Variants in PRR5 observed in about 807,000 individuals in gnomAD.
The protein encoded by PRR5 is proline rich 5.
PRR5 carries 25 observed loss-of-function variants against 30.6 expected under a neutral mutation model. The observed-to-expected ratio is 0.82, with a 90% CI of 0.60 to 1.14. The LOEUF is 1.14. Ranked by LOEUF, PRR5 falls within the 50% of genes most tolerant of loss-of-function variation. The pLI is 0.00. For synonymous variants in PRR5, 286 were observed against 247.1 expected (o/e 1.16, Z -1.48); for missense variants, 600 against 547.1 (o/e 1.10, Z -0.96).
chr22:44,729,204 G>A (rs112431121), intron 4 of PRR5: 14 of 769,066 alleles, frequency 1.8e-5, no homozygotes, highest in African/African-American at 1.3e-4. Flanking sequence ...CCGTCCCCGC[G>A]CCAGACACCC....
chr22:44,669,195 T>A (rs922417227), intron 1 of PRR5, among the ~76,000 whole-genome samples: 7 of 146,068 alleles, frequency 4.8e-5, no homozygotes, highest in Admixed American at 4.8e-4. Context: ...CGTGTCCCCA[T>A]CTCCTTCCCC....
rs557720741 is a variant in PRR5 at position 44,723,111 on chromosome 22, G to A, written c.216-2133G>A. On this transcript the variant is annotated intron_variant, in intron 2 of 7. Coordinates refer to ENST00000336985, the MANE Select transcript of PRR5 (RefSeq NM_181333.4). ...AGCAATTCTTCTGTCTCAGACTCCC[G>A]AGGAGCTGAGATTATAGGTGCCCAC... Among the ~76,000 whole-genome samples, 13 of 151,694 alleles carry A rather than the reference G, an allele frequency of 8.6e-5. No individual in the cohort carries two copies. The South Asian group carries it at 2.3e-3, about 27-fold the overall frequency.
chr22:44,684,965 G>C (rs578064813), intron 1 of PRR5, among the ~76,000 whole-genome samples: 1 of 152,312 alleles, frequency 6.6e-6, no homozygotes, highest in Admixed American at 6.5e-5. Flanking sequence ...CTCAGGGCCC[G>C]GCACGAAGTA....
At chr22:44,730,423 G>T (rs938998099) in intron 4 of PRR5, 3 of 985,348 alleles carry the variant, frequency 3.0e-6, no homozygotes, top group Non-Finnish European at 3.6e-6. Flanking sequence ...TCCCAGCTCC[G>T]CTCAGTCCAG....
At chr22:44,676,390 C>CAAAA (rs59016907), upstream of PRR5, among the ~76,000 whole-genome samples, 344 of 34,980 alleles carry the variant, frequency 9.8e-3, 1 homozygote, top group East Asian at 0.024. Context: ...GACCCTGTCT[C>CAAAA]AAAAAAAAAA....
chr22:44,732,887 CCACA>C (rs763197595), intron 6 of PRR5, among the ~76,000 whole-genome samples: 2 of 150,344 alleles, frequency 1.3e-5, no homozygotes, highest in African/African-American at 4.9e-5. Context: ...CACACACACA[CCACA>C]CACGTGCACA....
chr22:44,704,309 G>A (rs545226814), intron 1 of PRR5, among the ~76,000 whole-genome samples: 21 of 152,184 alleles, frequency 1.4e-4, no homozygotes, highest in African/African-American at 4.8e-4. Context: ...TCCCACCCCC[G>A]AGGTGGGGCG....
chr22:44,681,513 G>A (rs965428093), intron 1 of PRR5, among the ~76,000 whole-genome samples: 7 of 151,860 alleles, frequency 4.6e-5, no homozygotes, highest in African/African-American at 9.7e-5. Context: ...GCTTGAAACC[G>A]GAAGGCAGAG....
At chr22:44,684,628 G>A (rs9626524) in intron 1 of PRR5, among the ~76,000 whole-genome samples, 13,724 of 152,280 alleles carry the variant, frequency 0.09, 772 homozygotes, top group East Asian at 0.27. Flanking sequence ...TCCTACCCGC[G>A]GTCCAACTGC....
intron 1 of PRR5, among the ~76,000 whole-genome samples, chr22:44,710,979 C>T (rs993465732): frequency 3.9e-5 from 6 of 152,170 alleles, no homozygotes; most frequent in Admixed American, 3.3e-4. Context: ...GACACTGAAC[C>T]ACTGAGTGAT....
chr22:44,703,343 TGGA>T (rs1370244684), intron 1 of PRR5, among the ~76,000 whole-genome samples: 3 of 141,784 alleles, frequency 2.1e-5, no homozygotes, highest in African/African-American at 7.4e-5. Flanking sequence ...GGGGAGGCTG[TGGA>T]CACTGTTCGG....
intron 1 of PRR5, chr22:44,679,914 G>C: frequency 1.9e-6 from 3 of 1,554,118 alleles, no homozygotes; most frequent in Non-Finnish European, 2.6e-6. Flanking sequence ...GTGGCTACGA[G>C]GGAGGCAGGT....
chr22:44,677,867 C>T (rs1923903810), intron 1 of PRR5, among the ~76,000 whole-genome samples: 1 of 152,244 alleles, frequency 6.6e-6, no homozygotes, highest in Non-Finnish European at 1.5e-5. Context: ...TATTCTTTCT[C>T]ACGGCCTCAC....
intron 4 of PRR5, among the ~76,000 whole-genome samples, chr22:44,727,336 G>A (rs145959565): frequency 1.8e-4 from 28 of 152,224 alleles, no homozygotes; most frequent in Admixed American, 7.8e-4. Context: ...CCCTGGGAGC[G>A]GGGTCAGGTG....
intron 1 of PRR5, among the ~76,000 whole-genome samples, chr22:44,710,053 G>C (rs1259582805): frequency 6.6e-6 from 1 of 152,128 alleles, no homozygotes; most frequent in Non-Finnish European, 1.5e-5. Flanking sequence ...CCTCATGCTG[G>C]GGAGGTGGAG....
Position 44,702,242 on chromosome 22 carries a change from T to A in PRR5, c.-233T>A. The A allele has an allele frequency of 8.9e-7, 1 of 1,125,196 alleles. No homozygotes were observed. The highest frequency in any genetic ancestry group is 1.1e-6 in the Non-Finnish European group (1 of 919,306). The allele number at this position is 1,125,196 out of a possible 1,614,324, so 69.7% of individuals were successfully genotyped here. On this transcript the variant is annotated 5_prime_UTR_variant, in exon 1 of 8. Coordinates refer to ENST00000336985, the MANE Select transcript of PRR5 (RefSeq NM_181333.4). ...GCCGGGTCTGTGCTGGCCGCGCGCC[T>A]GGCGCTCCACGCTGAGCCTCTCCGT...
chr22:44,703,495 T>C (rs1240741066), intron 1 of PRR5, among the ~76,000 whole-genome samples: 4 of 152,180 alleles, frequency 2.6e-5, no homozygotes, highest in Non-Finnish European at 5.9e-5. Flanking sequence ...TTGAATGCAT[T>C]GTGAGCGTCA....
In PRR5 at chr22:44,737,093, G is replaced by T; in HGVS notation, c.1013G>T (p.Ser338Ile). 1 of 1,611,728 alleles carries T rather than the reference G, an allele frequency of 6.2e-7. No homozygotes were observed. The highest frequency in any genetic ancestry group is 8.5e-7 in the Non-Finnish European group (1 of 1,179,860). ...PPEQGLDPTR[S>I]SLPRSSPENL... Reference sequence around the variant, plus strand: ...GAGCAGGGCTTGGATCCCACCCGCAGCTCCCTGCCCCGCTCCAGCCCGGAG... The same window carrying T: ...GAGCAGGGCTTGGATCCCACCCGCATCTCCCTGCCCCGCTCCAGCCCGGAG... Residue 338 changes from serine (S) to isoleucine (I), a missense_variant, in exon 8 of 8, where the codon AGC becomes ATC. Transcript: ENST00000336985.
intron 3 of PRR5, 107 bp downstream of exon 3, chr22:44,725,399 C>G: frequency 1.3e-6 from 2 of 1,504,382 alleles, no homozygotes; most frequent in Non-Finnish European, 1.8e-6. Flanking sequence ...CCCCCACTGT[C>G]TGCCTGCAGT....
Sources: allele counts gnomAD v4.1 joint callset (sites outside exome capture counted in the v4.1 genomes callset), GRCh38; gene constraint gnomAD v4.1.1; transcripts MANE v1.5; gene names NCBI Gene and HGNC (gene_info 2026-07-23, HGNC 2026-07-21).